The following MAF variants were observed in gnomAD, a reference collection of about 807,000 sequenced individuals.
The protein encoded by MAF is MAF bZIP transcription factor.
In MAF, 10 loss-of-function variants were observed where a neutral mutation model predicts 22.0. The ratio of observed to expected loss-of-function variants is 0.45; its 90% CI spans 0.28 to 0.77. The LOEUF (loss-of-function observed/expected upper bound fraction) is 0.77, where lower values mean the gene tolerates loss of function less well. MAF is among the 30% of genes least tolerant of loss of function. MAF has a pLI of 0.12. For synonymous variants in MAF, 337 were observed against 255.8 expected (o/e 1.32, Z -3.03); for missense variants, 544 against 548.4 (o/e 0.99, Z 0.08).
At chr16:79,348,232 T>A in the MAF span, among the ~76,000 whole-genome samples, 1 of 152,360 alleles carries the variant, frequency 6.6e-6, no homozygotes, top group African/African-American at 2.4e-5. Flanking sequence ...TTGGAGAGCC[T>A]TGAAGCTCAG....
the MAF span, among the ~76,000 whole-genome samples, chr16:79,431,025 T>C: frequency 6.6e-6 from 1 of 152,142 alleles, no homozygotes. Context: ...TGTAGGTGAA[T>C]AGTTCCTTTG....
chr16:79,344,993 G>A, the MAF span, among the ~76,000 whole-genome samples: 1 of 152,186 alleles, frequency 6.6e-6, no homozygotes, highest in African/African-American at 2.4e-5. Context: ...CTCAGGGCAA[G>A]TTACTTTGCT....
the MAF span, among the ~76,000 whole-genome samples, chr16:79,453,287 C>A: frequency 2.0e-5 from 3 of 152,266 alleles, 1 homozygote; most frequent in Admixed American, 2.0e-4. Context: ...TCATATTCAC[C>A]ATGCTTCCTA....
chr16:79,490,299 C>T, the MAF span, among the ~76,000 whole-genome samples: 120 of 152,080 alleles, frequency 7.9e-4, 7 homozygotes, highest in Non-Finnish European at 3.2e-4. Context: ...GCCTTTCAAA[C>T]GAGGCAGGAA....
At chr16:79,261,445 G>A in the MAF span, among the ~76,000 whole-genome samples, 4 of 152,174 alleles carry the variant, frequency 2.6e-5, no homozygotes, top group Non-Finnish European at 5.9e-5. Flanking sequence ...GAGCCACCAC[G>A]CCTGGCTGGT....
the MAF span, among the ~76,000 whole-genome samples, chr16:79,467,990 A>G: frequency 6.6e-6 from 1 of 152,130 alleles, no homozygotes; most frequent in Non-Finnish European, 1.5e-5. Flanking sequence ...TTGCAAAAAC[A>G]TTAACATTAT....
At chr16:79,484,863 C>T in the MAF span, among the ~76,000 whole-genome samples, 1 of 152,136 alleles carries the variant, frequency 6.6e-6, no homozygotes, top group South Asian at 2.1e-4. Flanking sequence ...AGAGAAAGGA[C>T]CTGAAGGTCT....
At chr16:79,283,691 T>C in the MAF span, among the ~76,000 whole-genome samples, 1 of 152,202 alleles carries the variant, frequency 6.6e-6, no homozygotes, top group Non-Finnish European at 1.5e-5. Context: ...TCAGCAATCA[T>C]TACAGACTCT....
chr16:79,551,483 T>A, the MAF span, among the ~76,000 whole-genome samples: 3 of 152,196 alleles, frequency 2.0e-5, no homozygotes, highest in Admixed American at 6.5e-5. Context: ...ATTCCCAAAC[T>A]GGCCCTAACA....
the MAF span, among the ~76,000 whole-genome samples, chr16:79,450,715 G>GGATGGA: frequency 6.6e-6 from 1 of 151,956 alleles, no homozygotes; most frequent in African/African-American, 2.4e-5. Flanking sequence ...CTGACAACTC[G>GGATGGA]GATGGAGATG....
the MAF span, among the ~76,000 whole-genome samples, chr16:79,514,426 A>G: frequency 6.6e-6 from 1 of 152,260 alleles, no homozygotes; most frequent in Non-Finnish European, 1.5e-5. Context: ...AAATATTCAC[A>G]GAATGGGTGC....
the MAF span, among the ~76,000 whole-genome samples, chr16:79,381,907 G>T: frequency 6.6e-6 from 1 of 152,140 alleles, no homozygotes; most frequent in African/African-American, 2.4e-5. Context: ...CGAGAGAAAG[G>T]TTTGAACTTC....
chr16:79,378,607 G>T, the MAF span, among the ~76,000 whole-genome samples: 1 of 152,090 alleles, frequency 6.6e-6, no homozygotes, highest in East Asian at 1.9e-4. Context: ...TAGAATGAGG[G>T]AATAAATGTT....
downstream of MAF, among the ~76,000 whole-genome samples, chr16:79,581,797 C>G (rs1912536492): frequency 6.6e-6 from 1 of 152,154 alleles, no homozygotes; most frequent in Non-Finnish European, 1.5e-5. Flanking sequence ...GTACAATGCA[C>G]CCCTGGATTG....
chr16:79,599,004 C>A lies in MAF; in HGVS notation c.899G>T (p.Gly300Val). The change falls in exon 1 of 2, where the codon GGC (glycine) becomes GTC (valine). Residue 300 changes from glycine to valine, a missense_variant. Gly to Val is a moderately radical substitution (Grantham distance 109). Around this residue, in one of 5 missense-constraint regions of MAF, gnomAD observed 6 missense variants for 30.4 expected, o/e 0.20. Transcript: ENST00000326043. The stretch of plus-strand genomic sequence containing the variant: ...CTTGAAGCGGCAGGACTGGGCATAG[C>A]CGCGGTTTTTCAGGGTCCGCCTCTT... Reference protein sequence around the residue: ...KQKRRTLKNRGYAQSCRFKRV... With the variant: ...KQKRRTLKNRVYAQSCRFKRV... 6.2e-7 allele frequency: 1 copy of A among 1,613,784 alleles called. No homozygotes were observed. The highest frequency in any genetic ancestry group is 8.5e-7 in the Non-Finnish European group (1 of 1,179,948).
chr16:79,478,979 C>G, the MAF span, among the ~76,000 whole-genome samples: 2 of 152,096 alleles, frequency 1.3e-5, no homozygotes, highest in African/African-American at 4.8e-5. Flanking sequence ...CGTGCACCAC[C>G]TCAGCATACC....
the MAF span, among the ~76,000 whole-genome samples, chr16:79,242,537 C>A: frequency 2.0e-5 from 3 of 151,884 alleles, no homozygotes; most frequent in East Asian, 5.8e-4. Flanking sequence ...AATACCGGAG[C>A]ACCCAGACTC....
At chr16:79,597,278 C>G in intron 1 of MAF, 1 of 1,045,448 alleles carries the variant, frequency 9.6e-7, no homozygotes, top group Non-Finnish European at 1.2e-6. Flanking sequence ...TTTAACTGGG[C>G]TAACAGATTA....
At chr16:79,220,133 G>A in the MAF span, among the ~76,000 whole-genome samples, 1,456 of 151,920 alleles carry the variant, frequency 9.6e-3, 13 homozygotes, top group Non-Finnish European at 0.013. Context: ...GTGGGCACCT[G>A]TAGTCCCAGT....
Sources: gnomAD v4.1 joint callset for allele counts (sites outside exome capture counted in the v4.1 genomes callset) on GRCh38, gnomAD v4.1.1 for gene constraint, gnomAD v4.1.1 regional missense constraint, MANE v1.5 for transcripts, NCBI Gene and HGNC (gene_info 2026-07-23, HGNC 2026-07-21) for gene names.